PLEKHM3: variants seen among roughly 807,000 people sequenced by gnomAD.
PLEKHM3 encodes the protein pleckstrin homology domain-containing family M member 3.
A neutral mutation model predicts 81.8 loss-of-function variants in PLEKHM3; 45 were observed. The ratio of observed to expected loss-of-function variants is 0.55; its 90% CI spans 0.43 to 0.71. The LOEUF is 0.71. PLEKHM3 is among the 30% of genes least tolerant of loss of function. PLEKHM3 has a pLI of 0.00. For synonymous variants in PLEKHM3, 352 were observed against 356.4 expected, an observed-to-expected ratio of 0.99 and a Z score of 0.14; for missense variants, 788 against 924.3, an observed-to-expected ratio of 0.85 and a Z score of 1.91.
intron 6 of PLEKHM3, among the ~76,000 whole-genome samples, chr2:207,889,755 C>T (rs747139569): frequency 5.9e-5 from 9 of 152,174 alleles, no homozygotes; most frequent in Non-Finnish European, 1.0e-4. Context: ...GGCCAAGTTG[C>T]CTTCCTCCCT....
chr2:208,005,678 T>C (rs768159811), intron 1 of PLEKHM3, among the ~76,000 whole-genome samples: 11 of 152,350 alleles, frequency 7.2e-5, no homozygotes, highest in Middle Eastern at 3.4e-3. Flanking sequence ...TCTTCTAACA[T>C]ACCATTTAAT....
intron 7 of PLEKHM3, among the ~76,000 whole-genome samples, chr2:207,854,358 A>C (rs2092427792): frequency 6.6e-6 from 1 of 152,158 alleles, no homozygotes; most frequent in African/African-American, 2.4e-5. Context: ...CATCTGTATC[A>C]TCCCCCTACC....
chr2:207,981,096 A>C (rs1028425263), intron 2 of PLEKHM3, among the ~76,000 whole-genome samples: 2 of 150,772 alleles, frequency 1.3e-5, no homozygotes, highest in Admixed American at 1.3e-4. Context: ...CCACTGCACT[A>C]CAGCCTGGGC....
chr2:207,974,191 T>C (rs981268136), intron 3 of PLEKHM3, among the ~76,000 whole-genome samples: 8 of 152,100 alleles, frequency 5.3e-5, no homozygotes, highest in African/African-American at 1.9e-4. Context: ...CTGCCCATTA[T>C]ATTATAATAA....
At chr2:208,004,806 T>A (rs1042911985) in intron 1 of PLEKHM3, among the ~76,000 whole-genome samples, 1 of 152,178 alleles carries the variant, frequency 6.6e-6, no homozygotes, top group Non-Finnish European at 1.5e-5. Flanking sequence ...AATAAACTTT[T>A]CATTTTAAAA....
intron 7 of PLEKHM3, among the ~76,000 whole-genome samples, chr2:207,859,462 T>C (rs1372119851): frequency 6.6e-6 from 1 of 152,050 alleles, no homozygotes; most frequent in East Asian, 1.9e-4. Flanking sequence ...TATAGCTGAA[T>C]AATTTTCCAT....
At chr2:207,955,886 G>A (rs577052784) in intron 3 of PLEKHM3, among the ~76,000 whole-genome samples, 2 of 152,334 alleles carry the variant, frequency 1.3e-5, no homozygotes, top group South Asian at 4.1e-4. Context: ...GTGAGGGGAA[G>A]AAGAATACAA....
chr2:207,835,623 A>G (rs560795394), intron 7 of PLEKHM3, among the ~76,000 whole-genome samples: 1 of 152,282 alleles, frequency 6.6e-6, no homozygotes, highest in African/African-American at 2.4e-5. Context: ...CATGAGATGA[A>G]CCTTAAGATG....
At chr2:208,000,307 G>A (rs571334550) in intron 2 of PLEKHM3, among the ~76,000 whole-genome samples, 23 of 152,188 alleles carry the variant, frequency 1.5e-4, no homozygotes, top group African/African-American at 5.1e-4. Context: ...TAATCCTGAC[G>A]AAGTGTCATG....
intron 7 of PLEKHM3, among the ~76,000 whole-genome samples, chr2:207,836,678 T>A (rs1241995323): frequency 1.3e-5 from 2 of 152,204 alleles, no homozygotes; most frequent in Non-Finnish European, 2.9e-5. Context: ...CCCTTCCAGA[T>A]TCTAGCTGCA....
intron 6 of PLEKHM3, among the ~76,000 whole-genome samples, chr2:207,897,557 C>T (rs1688265808): frequency 6.6e-6 from 1 of 152,112 alleles, no homozygotes; most frequent in South Asian, 2.1e-4. Flanking sequence ...AGTGACTTGC[C>T]CAAGGTCACC....
intron 7 of PLEKHM3, among the ~76,000 whole-genome samples, chr2:207,837,939 T>A (rs970946774): frequency 1.7e-4 from 25 of 149,896 alleles, no homozygotes; most frequent in African/African-American, 5.9e-4. Context: ...CCCGGCTAAT[T>A]TTTTGTATTT....
At chr2:207,943,285 C>T (rs1461778281) in intron 4 of PLEKHM3, among the ~76,000 whole-genome samples, 1 of 152,120 alleles carries the variant, frequency 6.6e-6, no homozygotes, top group Non-Finnish European at 1.5e-5. Flanking sequence ...ATTACATATA[C>T]CCCATAAACA....
chr2:207,887,187 T>G (rs751155648), intron 6 of PLEKHM3, among the ~76,000 whole-genome samples: 8 of 152,244 alleles, frequency 5.3e-5, no homozygotes, highest in Non-Finnish European at 8.8e-5. Flanking sequence ...TAGCAACACA[T>G]TTCTGGAAAG....
intron 6 of PLEKHM3, among the ~76,000 whole-genome samples, chr2:207,888,376 C>T (rs1426126895): frequency 6.6e-6 from 1 of 151,778 alleles, no homozygotes; most frequent in East Asian, 1.9e-4. Flanking sequence ...CACACACACA[C>T]ACTTGGATAA....
intron 5 of PLEKHM3, among the ~76,000 whole-genome samples, chr2:207,921,630 T>A (rs1234021915): frequency 6.6e-6 from 1 of 152,190 alleles, no homozygotes; most frequent in Non-Finnish European, 1.5e-5. Context: ...GTAATTTGTA[T>A]TTGTTAACCC....
intron 3 of PLEKHM3, among the ~76,000 whole-genome samples, chr2:207,969,287 C>CT (rs1280586199): frequency 2.6e-5 from 4 of 152,194 alleles, no homozygotes; most frequent in Non-Finnish European, 4.4e-5. Flanking sequence ...TTCGATTTCC[C>CT]TTTTTCTTAA....
chr2:207,944,382 C>T (rs893661689), intron 4 of PLEKHM3, among the ~76,000 whole-genome samples: 5 of 152,110 alleles, frequency 3.3e-5, no homozygotes, highest in East Asian at 1.9e-4. Context: ...GTGATGGAGA[C>T]GAGAGGAGAA....
chr2:207,842,702 T>C (rs2092361269), intron 7 of PLEKHM3, among the ~76,000 whole-genome samples: 1 of 152,180 alleles, frequency 6.6e-6, no homozygotes, highest in South Asian at 2.1e-4. Context: ...AAATGTTGGA[T>C]GGAACCGATA....
Sources: allele counts gnomAD v4.1 joint callset (sites outside exome capture counted in the v4.1 genomes callset), GRCh38; gene constraint gnomAD v4.1.1; transcripts MANE v1.5; gene names NCBI Gene and HGNC (gene_info 2026-07-23, HGNC 2026-07-21).